Variants in SLC26A5 observed in about 807,000 individuals in gnomAD.
SLC26A5 encodes solute carrier family 26 member 5, also known as prestin.
Under a neutral mutation model 81.0 loss-of-function variants are expected in SLC26A5, and 51 were observed. That is an observed-to-expected ratio of 0.63 (90% CI 0.50 to 0.80). SLC26A5 has a LOEUF of 0.80. Among genes scored for constraint, SLC26A5 ranks in the 30% least tolerant of loss-of-function variants. The probability of loss-of-function intolerance (pLI) is 0.00; values close to 1 mark genes in which losing one functional copy is unlikely to be tolerated. For missense variants in SLC26A5, 771 were observed against 905.8 expected (o/e 0.85, Z 1.91); for synonymous variants, 325 against 332.8 (o/e 0.98, Z 0.25).
intron 5 of SLC26A5, among the ~76,000 whole-genome samples, chr7:103,412,238 G>T (rs1824542813): frequency 6.6e-6 from 1 of 152,190 alleles, no homozygotes; most frequent in Non-Finnish European, 1.5e-5. Context: ...TGTGTGTTAG[G>T]TAGTAGCCTT....
At chr7:103,399,903 TC>T (rs1169213113) in intron 8 of SLC26A5, among the ~76,000 whole-genome samples, 10 of 152,200 alleles carry the variant, frequency 6.6e-5, no homozygotes. Context: ...CATGAACTCA[TC>T]CTTTTTTATG....
Position 103,397,938 on chromosome 7 carries a change from G to A in SLC26A5, c.965C>T (p.Pro322Leu). 2 of 1,613,456 alleles carry A rather than the reference G, an allele frequency of 1.2e-6. No homozygotes were observed. The highest frequency in any genetic ancestry group is 1.7e-6 in the Non-Finnish European group (2 of 1,179,452). The change falls in exon 9 of 20, where the codon CCT becomes CTT. Residue 322 changes from proline (P) to leucine (L), a missense_variant. Transcript: ENST00000306312. ...SYNVDVVGTL[P>L]LGLLPPANPD... ...CTTAAAACCACTTTCCTACCCTAGA[G>A]GAAGTGTTCCAACGACATCCACATT...
intron 2 of SLC26A5, among the ~76,000 whole-genome samples, chr7:103,422,612 G>A: frequency 6.6e-6 from 1 of 152,222 alleles, no homozygotes; most frequent in African/African-American, 2.4e-5. Context: ...GGATAGTAGA[G>A]GGCTTCTACT....
intron 11 of SLC26A5, 145 bp downstream of exon 11, chr7:103,391,477 T>G: frequency 1.4e-6 from 1 of 705,438 alleles, no homozygotes; most frequent in Non-Finnish European, 2.6e-6. Flanking sequence ...CAACCAATCA[T>G]GCCTTTCTCT....
chr7:103,388,972 C>T (rs372470203), intron 14 of SLC26A5, 36 bp downstream of exon 14: 18 of 1,456,282 alleles, frequency 1.2e-5, no homozygotes, highest in South Asian at 5.7e-5. Flanking sequence ...TCATCTCTGC[C>T]GGGACATTCA....
chr7:103,409,525 T>A (rs1824310296), intron 7 of SLC26A5, among the ~76,000 whole-genome samples: 1 of 152,238 alleles, frequency 6.6e-6, no homozygotes, highest in South Asian at 2.1e-4. Flanking sequence ...ACATTGAATT[T>A]TTAGAATTTG....
intron 17 of SLC26A5, 119 bp from the exon 18 acceptor site, chr7:103,377,918 C>T: frequency 1.1e-6 from 1 of 915,482 alleles, no homozygotes; most frequent in Non-Finnish European, 1.7e-6. Flanking sequence ...CTACCAGACC[C>T]CTTGTAAAAT....
At chr7:103,411,857 C>A (rs1242069308) in intron 5 of SLC26A5, among the ~76,000 whole-genome samples, 1 of 152,208 alleles carries the variant, frequency 6.6e-6, no homozygotes, top group African/African-American at 2.4e-5. Flanking sequence ...AGTCTAATTT[C>A]TCTCTCCTTG....
Position 103,385,154 on chromosome 7 carries a change from T to C in SLC26A5, c.1514+3854A>G, listed in dbSNP as rs186431609. On this transcript the variant is annotated intron_variant, in intron 14 of 19. Coordinates refer to ENST00000306312, the MANE Select transcript of SLC26A5 (RefSeq NM_198999.3). ...TTATCTGCAGAATGATGTGATTGTC[T>C]CTTTGTTGTTGTTGTTGTTGTTGTT... Among the ~76,000 whole-genome samples, 53 of 150,378 alleles carry C rather than the reference T, an allele frequency of 3.5e-4. No individual in the cohort carries two copies. In the East Asian group the frequency reaches 9.9e-3, roughly 28 times the overall value.
intron 14 of SLC26A5, among the ~76,000 whole-genome samples, chr7:103,385,124 A>T (rs911659410): frequency 6.6e-6 from 1 of 152,198 alleles, no homozygotes. Context: ...GCCTGAATTC[A>T]GGAATTATCT....
At chr7:103,381,745 C>T (rs111163460) in intron 14 of SLC26A5, among the ~76,000 whole-genome samples, 12,148 of 151,206 alleles carry the variant, frequency 0.08, 649 homozygotes, top group East Asian at 0.31. Flanking sequence ...AATACACACA[C>T]CACATACCCC....
At chr7:103,421,017 CAG>C (rs1825303503) in intron 3 of SLC26A5, 140 bp from the exon 4 acceptor site, 1 of 915,768 alleles carries the variant, frequency 1.1e-6, no homozygotes, top group African/African-American at 1.7e-5. Flanking sequence ...TGTTGCCAAA[CAG>C]GGTAGGAGTC....
Position 103,378,345 on chromosome 7 carries a change from T to C in SLC26A5, c.1785+101A>G, listed in dbSNP as rs1821509634. On this transcript the variant is annotated intron_variant, in intron 17 of 19. Transcript: ENST00000306312. ...TAAGGTGGTTTCTAAACTTTCCTCT[T>C]TTAGTAACTTCGTGCTGTGTTTAAA... 3.4e-6 allele frequency: 4 copies of C among 1,181,454 alleles called. No homozygotes were observed. The Admixed American group carries it at 7.0e-5, about 21-fold the overall frequency. 73.2% of individuals were successfully genotyped at this position (1,181,454 alleles called of 1,614,324 possible). A position where few individuals can be genotyped will look rare whatever the true frequency, so the allele number is the denominator to read the frequency against.
At chr7:103,402,917 C>T (rs1210525068) in intron 8 of SLC26A5, among the ~76,000 whole-genome samples, 1 of 152,124 alleles carries the variant, frequency 6.6e-6, no homozygotes, top group Non-Finnish European at 1.5e-5. Context: ...CTTCTGCCAG[C>T]TTTTGGATTT....
At chr7:103,382,898 A>G (rs1586225378) in intron 14 of SLC26A5, among the ~76,000 whole-genome samples, 1 of 152,348 alleles carries the variant, frequency 6.6e-6, no homozygotes, top group East Asian at 1.9e-4. Flanking sequence ...AATATGGCTC[A>G]AGGTCTTTGA....
chr7:103,365,791 G>A (rs774694469), intron 19 of SLC26A5, among the ~76,000 whole-genome samples: 2 of 152,054 alleles, frequency 1.3e-5, no homozygotes, highest in Non-Finnish European at 2.9e-5. Flanking sequence ...AGCGGGGTGT[G>A]GTGACACATG....
downstream of SLC26A5, among the ~76,000 whole-genome samples, chr7:103,370,156 A>G (rs901550600): frequency 3.3e-5 from 5 of 152,182 alleles, no homozygotes; most frequent in Admixed American, 2.6e-4. Flanking sequence ...CATTCAAAAC[A>G]GTAAGAATCT....
At chr7:103,406,135 T>A (rs1047007776) in intron 8 of SLC26A5, among the ~76,000 whole-genome samples, 17 of 152,174 alleles carry the variant, frequency 1.1e-4, no homozygotes, top group Admixed American at 1.1e-3. Flanking sequence ...TGGGATCCGC[T>A]GAGCTAGACC....
intron 14 of SLC26A5, among the ~76,000 whole-genome samples, chr7:103,381,301 T>G (rs1029841163): frequency 8.7e-5 from 13 of 148,878 alleles, no homozygotes; most frequent in Non-Finnish European, 1.6e-4. Context: ...AATACACACA[T>G]CTACACATAA....
Sources: gnomAD v4.1 joint callset for allele counts (sites outside exome capture counted in the v4.1 genomes callset) on GRCh38, gnomAD v4.1.1 for gene constraint, MANE v1.5 for transcripts, NCBI Gene and HGNC (gene_info 2026-07-23, HGNC 2026-07-21) for gene names.